The following SEMA6D variants were observed in gnomAD, a reference collection of about 807,000 sequenced individuals.
SEMA6D encodes semaphorin-6D.
Under a neutral mutation model 106.6 loss-of-function variants are expected in SEMA6D, and 35 were observed. The ratio of observed to expected loss-of-function variants is 0.33; its 90% CI spans 0.25 to 0.44. SEMA6D has a LOEUF of 0.44. Among genes scored for constraint, SEMA6D ranks in the 20% least tolerant of loss-of-function variants. The pLI is 1.00. For missense variants in SEMA6D, 1,185 were observed against 1,345.9 expected (o/e 0.88, Z 1.87); for synonymous variants, 499 against 487.7 (o/e 1.02, Z -0.31).
chr15:47,208,986 C>G (rs986627718), intron 1 of SEMA6D, among the ~76,000 whole-genome samples: 2 of 152,156 alleles, frequency 1.3e-5, no homozygotes, highest in Non-Finnish European at 2.9e-5. Flanking sequence ...TTCAGGATGT[C>G]AGCTGGACCA....
chr15:47,514,864 A>G (rs1032594895), intron 3 of SEMA6D, among the ~76,000 whole-genome samples: 1 of 152,202 alleles, frequency 6.6e-6, no homozygotes, highest in Non-Finnish European at 1.5e-5. Context: ...CACCAGAGGC[A>G]CTAGATTAGA....
At chr15:47,325,841 G>A (rs1169411710) in intron 1 of SEMA6D, among the ~76,000 whole-genome samples, 1 of 151,964 alleles carries the variant, frequency 6.6e-6, no homozygotes, top group Non-Finnish European at 1.5e-5. Context: ...GGCAACTTCT[G>A]GAGTTAAAAA....
chr15:47,196,488 A>G (rs1221701153), intron 1 of SEMA6D, among the ~76,000 whole-genome samples: 1 of 152,190 alleles, frequency 6.6e-6, no homozygotes, highest in Non-Finnish European at 1.5e-5. Context: ...CCCCCCTAAA[A>G]TATGGGGAAA....
intron 4 of SEMA6D, among the ~76,000 whole-genome samples, chr15:47,615,152 G>A (rs535413877): frequency 6.6e-6 from 1 of 150,948 alleles, no homozygotes; most frequent in Admixed American, 6.6e-5. Context: ...ACCAACCACA[G>A]GTCAAAAATA....
intron 1 of SEMA6D, among the ~76,000 whole-genome samples, chr15:47,310,121 C>A (rs140961034): frequency 1.3e-5 from 2 of 152,274 alleles, no homozygotes; most frequent in Non-Finnish European, 2.9e-5. Context: ...GTGAACAAGT[C>A]TTTTCAGGTT....
At chr15:47,236,642 G>C (rs17285107) in intron 1 of SEMA6D, among the ~76,000 whole-genome samples, 1,780 of 152,208 alleles carry the variant, frequency 0.012, 34 homozygotes, top group Admixed American at 0.012. Flanking sequence ...GAATCCTGCT[G>C]TTGCTAGAGG....
Position 47,357,144 on chromosome 15 carries a change from C to G in SEMA6D, c.-238-55249C>G, listed in dbSNP as rs374212253. Among the ~76,000 whole-genome samples, 8 of 151,974 alleles carry G rather than the reference C, an allele frequency of 5.3e-5. No homozygotes were observed. The East Asian group carries it at 1.6e-3, about 30-fold the overall frequency. On this transcript the variant is annotated intron_variant, in intron 1 of 19. Transcript: ENST00000558014. The stretch of plus-strand genomic sequence containing the variant: ...GGTCAGGAGATCGAGACCATCCTGG[C>G]TAACATGGTGAAACCCTGTCTCTAC...
intron 1 of SEMA6D, chr15:47,718,483 C>A (rs918406516): frequency 6.6e-6 from 1 of 152,254 alleles, no homozygotes; most frequent in African/African-American, 2.4e-5. Context: ...GGCCCAGGCC[C>A]GGAGGGCGGC....
At chr15:47,465,532 A>G (rs566783622) in intron 2 of SEMA6D, among the ~76,000 whole-genome samples, 13 of 152,298 alleles carry the variant, frequency 8.5e-5, no homozygotes, top group South Asian at 4.1e-4. Context: ...CTCAAGTCCA[A>G]TTGTAATCCC....
At chr15:47,437,850 TTA>T (rs1407305671) in intron 2 of SEMA6D, among the ~76,000 whole-genome samples, 3 of 152,140 alleles carry the variant, frequency 2.0e-5, no homozygotes, top group Non-Finnish European at 4.4e-5. Context: ...AAATAACCCC[TTA>T]AAATTATTTT....
intron 3 of SEMA6D, among the ~76,000 whole-genome samples, chr15:47,556,701 T>C (rs530286670): frequency 1.3e-5 from 2 of 152,244 alleles, no homozygotes; most frequent in South Asian, 4.2e-4. Context: ...CCCTCACTGC[T>C]TTTACCTGCT....
chr15:47,501,183 G>A (rs1269880713), intron 3 of SEMA6D, among the ~76,000 whole-genome samples: 1 of 152,116 alleles, frequency 6.6e-6, no homozygotes, highest in African/African-American at 2.4e-5. Context: ...TAGCTTTCAT[G>A]GTTCCACTCC....
chr15:47,449,805 G>T (rs1223611080), intron 2 of SEMA6D, among the ~76,000 whole-genome samples: 1 of 152,012 alleles, frequency 6.6e-6, no homozygotes. Context: ...TTCCAAAAGA[G>T]TTATTATAAA....
At chr15:47,656,748 C>G (rs73392850) in intron 4 of SEMA6D, among the ~76,000 whole-genome samples, 3,451 of 152,226 alleles carry the variant, frequency 0.023, 133 homozygotes, top group African/African-American at 0.08. Context: ...ACATGAGACC[C>G]CTTTGCTCTG....
chr15:47,734,271 A>G (rs1190151219), intron 1 of SEMA6D, among the ~76,000 whole-genome samples: 1 of 152,202 alleles, frequency 6.6e-6, no homozygotes, highest in African/African-American at 2.4e-5. Context: ...ATTTTAGAGC[A>G]TCTTCAGTGT....
chr15:47,246,215 G>C (rs1170049020), intron 1 of SEMA6D, among the ~76,000 whole-genome samples: 1 of 152,188 alleles, frequency 6.6e-6, no homozygotes, highest in African/African-American at 2.4e-5. Flanking sequence ...TCAAGGGATA[G>C]AGATGCTTCC....
intron 3 of SEMA6D, among the ~76,000 whole-genome samples, chr15:47,570,780 G>A (rs1349968344): frequency 6.6e-6 from 1 of 152,190 alleles, no homozygotes; most frequent in Non-Finnish European, 1.5e-5. Context: ...TTCCCAGACT[G>A]TGCCATCCCA....
At chr15:47,308,033 A>AT (rs34204516) in intron 1 of SEMA6D, among the ~76,000 whole-genome samples, 69,194 of 145,586 alleles carry the variant, frequency 0.48, 17,182 homozygotes, top group Non-Finnish European at 0.57. Context: ...TGGCCTGGCT[A>AT]TTTTTTTTTT....
At chr15:47,565,027 A>T (rs776552219) in intron 3 of SEMA6D, among the ~76,000 whole-genome samples, 32 of 152,128 alleles carry the variant, frequency 2.1e-4, no homozygotes, top group Non-Finnish European at 4.3e-4. Flanking sequence ...TGGCAATAAA[A>T]TTCCCCACAT....
Sources: gnomAD v4.1 joint callset for allele counts (sites outside exome capture counted in the v4.1 genomes callset) on GRCh38, gnomAD v4.1.1 for gene constraint, MANE v1.5 for transcripts, NCBI Gene and HGNC (gene_info 2026-07-23, HGNC 2026-07-21) for gene names.